The following STK24 variants were observed in gnomAD, a reference collection of about 807,000 sequenced individuals.
STK24 encodes the protein serine/threonine kinase 24.
In STK24, 21 loss-of-function variants were observed where a neutral mutation model predicts 55.6. The observed-to-expected ratio is 0.38, with a 90% CI of 0.27 to 0.54. STK24 has a LOEUF of 0.54. Ranked by LOEUF, STK24 falls within the 20% of genes least tolerant of loss-of-function variation. The pLI is 0.79. For synonymous variants in STK24, 200 were observed against 215.2 expected (o/e 0.93, Z 0.62); for missense variants, 383 against 538.4 (o/e 0.71, Z 2.86).
At chr13:98,464,045 G>A (rs1197263547) in intron 6 of STK24, among the ~76,000 whole-genome samples, 2 of 152,186 alleles carry the variant, frequency 1.3e-5, no homozygotes, top group Non-Finnish European at 2.9e-5. Flanking sequence ...GCAGGGCACT[G>A]TCTTTCCAAG....
intron 2 of STK24, among the ~76,000 whole-genome samples, chr13:98,504,540 G>C (rs796713286): frequency 6.6e-6 from 1 of 152,182 alleles, no homozygotes; most frequent in Non-Finnish European, 1.5e-5. Flanking sequence ...ATGCAAGAAG[G>C]GAAATAGACT....
intron 2 of STK24, among the ~76,000 whole-genome samples, chr13:98,510,368 T>C (rs888536732): frequency 6.6e-6 from 1 of 152,204 alleles, no homozygotes; most frequent in African/African-American, 2.4e-5. Flanking sequence ...ACTCTGATAC[T>C]GGAACCCAAT....
rs150861653 is a variant in STK24, at chr13:98,448,132, C to T, written c.*5041G>A. ...TTCTGCTGAAGTGGCAGATTACCAA[C>T]CAGGCGGCCTGACTTCACCTTGTGT... On this transcript the variant is annotated 3_prime_UTR_variant, in exon 11 of 11. Coordinates refer to ENST00000539966, the MANE Select transcript of STK24 (RefSeq NM_001032296.4). 480 of 942,388 alleles carry T rather than the reference C, an allele frequency of 5.1e-4. 1 individual carries two copies. In the African/African-American group the frequency reaches 6.5e-3, roughly 13 times the overall value. The allele number at this position is 942,388 out of a possible 1,614,324, so 58.4% of individuals were successfully genotyped here.
intron 1 of STK24, among the ~76,000 whole-genome samples, chr13:98,536,884 G>A (rs1158312856): frequency 3.8e-5 from 4 of 106,352 alleles, no homozygotes; most frequent in East Asian, 2.4e-4. Flanking sequence ...TCCTCCAGCC[G>A]CCCAGCCACA....
intron 5 of STK24, among the ~76,000 whole-genome samples, chr13:98,472,721 T>G (rs1894199080): frequency 6.6e-6 from 1 of 152,190 alleles, no homozygotes; most frequent in Admixed American, 6.5e-5. Context: ...TATGTAATCA[T>G]CTCTATTCAT....
chr13:98,471,632 C>T (rs1894149342), intron 5 of STK24, among the ~76,000 whole-genome samples: 1 of 152,182 alleles, frequency 6.6e-6, no homozygotes, highest in Non-Finnish European at 1.5e-5. Context: ...TCTTTGTATG[C>T]AAAGACATTC....
chr13:98,512,312 G>A (rs955289534), intron 2 of STK24, among the ~76,000 whole-genome samples: 5 of 152,110 alleles, frequency 3.3e-5, no homozygotes, highest in African/African-American at 9.7e-5. Context: ...TACATAGGTC[G>A]ATGATGATGG....
intron 6 of STK24, among the ~76,000 whole-genome samples, chr13:98,465,976 T>C (rs1369054262): frequency 6.6e-6 from 1 of 152,244 alleles, no homozygotes; most frequent in East Asian, 1.9e-4. Flanking sequence ...TCCTAACACA[T>C]GCCACCTGGA....
At chr13:98,488,023 C>A (rs1441043483) in intron 2 of STK24, among the ~76,000 whole-genome samples, 1 of 152,096 alleles carries the variant, frequency 6.6e-6, no homozygotes, top group African/African-American at 2.4e-5. Flanking sequence ...CCCTCTCCCA[C>A]ACACCCACGA....
At position 98,451,303 on chromosome 13, in the gene STK24, AG is replaced by A. The variant is rs1893182258; in HGVS notation, c.*1869del. 1 of 152,210 alleles carries A rather than the reference AG, an allele frequency of 6.6e-6. No homozygotes were observed. The highest frequency in any genetic ancestry group is 2.1e-4 in the South Asian group (1 of 4,832). The allele number at this position is 152,210 out of a possible 1,614,324, so 9.4% of individuals were successfully genotyped here. A position where few individuals can be genotyped will look rare whatever the true frequency, so the allele number is the denominator to read the frequency against. The stretch of plus-strand genomic sequence containing the variant: ...TGACTTATGCCGCCGGCCTCACGTA[AG>A]GAAACAGTTCCCCACACAGAATACT... On this transcript the variant is annotated 3_prime_UTR_variant, in exon 11 of 11. Transcript: ENST00000539966.
intron 1 of STK24, among the ~76,000 whole-genome samples, chr13:98,532,686 T>G (rs765145138): frequency 6.6e-6 from 1 of 152,250 alleles, no homozygotes; most frequent in Non-Finnish European, 1.5e-5. Flanking sequence ...GACAGATTTT[T>G]CTAGTCCTCA....
intron 1 of STK24, among the ~76,000 whole-genome samples, chr13:98,543,582 G>T (rs980833550): frequency 1.3e-5 from 2 of 152,288 alleles, no homozygotes; most frequent in Middle Eastern, 3.4e-3. Flanking sequence ...GAAGACGCGG[G>T]TCTGATCGCT....
At chr13:98,470,873 A>C (rs1470047211) in intron 5 of STK24, among the ~76,000 whole-genome samples, 2 of 152,256 alleles carry the variant, frequency 1.3e-5, no homozygotes, top group Non-Finnish European at 2.9e-5. Context: ...AACCAGGGAT[A>C]ACCCTAAATC....
At chr13:98,495,031 T>TC (rs1895194594) in intron 2 of STK24, among the ~76,000 whole-genome samples, 1 of 152,084 alleles carries the variant, frequency 6.6e-6, no homozygotes, top group South Asian at 2.1e-4. Context: ...AGAAACAGCC[T>TC]CCCAGCTCCG....
At chr13:98,484,024 G>C (rs1894706322) in intron 2 of STK24, among the ~76,000 whole-genome samples, 1 of 152,202 alleles carries the variant, frequency 6.6e-6, no homozygotes, top group Admixed American at 6.5e-5. Flanking sequence ...AACCTCGAAT[G>C]ATGTGTCTGA....
At chr13:98,564,025 C>T (rs1897502645) in intron 1 of STK24, among the ~76,000 whole-genome samples, 1 of 152,126 alleles carries the variant, frequency 6.6e-6, no homozygotes, top group South Asian at 2.1e-4. Context: ...ACCCTAATAA[C>T]AGACGACATT....
At chr13:98,454,193 G>A (rs1320848993) in intron 10 of STK24, 1 of 152,222 alleles carries the variant, frequency 6.6e-6, no homozygotes, top group Non-Finnish European at 1.5e-5. Flanking sequence ...GACAACAGAA[G>A]GCAATGCACC....
chr13:98,515,206 C>G (rs1796988009), intron 2 of STK24, among the ~76,000 whole-genome samples: 1 of 152,040 alleles, frequency 6.6e-6, no homozygotes, highest in African/African-American at 2.4e-5. Flanking sequence ...ATCCTGTTCT[C>G]GTTACAATTA....
At chr13:98,526,459 G>C (rs954537351) in intron 1 of STK24, among the ~76,000 whole-genome samples, 2 of 152,136 alleles carry the variant, frequency 1.3e-5, no homozygotes, top group Admixed American at 6.5e-5. Context: ...TTACAGATGA[G>C]CAAACTGAGC....
Sources: gnomAD v4.1 joint callset for allele counts (sites outside exome capture counted in the v4.1 genomes callset) on GRCh38, gnomAD v4.1.1 for gene constraint, MANE v1.5 for transcripts, NCBI Gene and HGNC (gene_info 2026-07-23, HGNC 2026-07-21) for gene names.